EFNA2: variants seen among roughly 807,000 people sequenced by gnomAD.
EFNA2 encodes ephrin-A2.
Under a neutral mutation model 19.7 loss-of-function variants are expected in EFNA2, and 18 were observed. The ratio of observed to expected loss-of-function variants is 0.91; its 90% confidence interval spans 0.63 to 1.35. The LOEUF (loss-of-function observed/expected upper bound fraction) is 1.35. EFNA2 is among the 40% of genes most tolerant of loss of function. The pLI is 0.00. For missense variants in EFNA2, 303 were observed against 296.0 expected (o/e 1.02, Z -0.17); for synonymous variants, 187 against 137.8 (o/e 1.36, Z -2.50).
In EFNA2 at chr19:1,295,789, A is replaced by C; in HGVS notation, c.385A>C (p.Lys129Gln). ...CGGGGGGCCGCTCAAGTTCTCGGAGAAGTTCCAGCTCTTCACGCCCTTCTC... is the reference window on the plus strand; with the variant it reads ...CGGGGGGCCGCTCAAGTTCTCGGAGCAGTTCCAGCTCTTCACGCCCTTCTC... ...APGGPLKFSE[K>Q]FQLFTPFSLG... Residue 129 changes from lysine (K) to glutamine (Q), a missense_variant, in exon 2 of 4, where the codon AAG (lysine) becomes CAG (glutamine). By Grantham distance (53) the Lys-to-Gln change is moderately conservative. Transcript: ENST00000215368. The surrounding 1 kb of genome is among the most constrained non-coding windows in gnomAD (Gnocchi z 5.8). 1 of 1,608,020 alleles carries C rather than the reference A, an allele frequency of 6.2e-7. No homozygotes were observed. The highest frequency in any genetic ancestry group is 8.5e-7 in the Non-Finnish European group (1 of 1,178,326).
At position 1,289,854 on chromosome 19, in the gene EFNA2, G is replaced by A. The variant is rs1035329605; in HGVS notation, c.140+3546G>A. 5.9e-5 allele frequency among the ~76,000 whole-genome samples: 9 copies of A among 152,330 alleles called. No individual in the cohort carries two copies. In the South Asian group the frequency reaches 6.2e-4, roughly 11 times the overall value. Reference sequence around the variant, plus strand: ...CTCCGCTGGCGTCCCTCGGCCTCTCGGGGAGCCGGCTTTGAAGGGGGTGAT... The same window carrying A: ...CTCCGCTGGCGTCCCTCGGCCTCTCAGGGAGCCGGCTTTGAAGGGGGTGAT... On this transcript the variant is annotated intron_variant, in intron 1 of 3. Coordinates refer to ENST00000215368, the MANE Select transcript of EFNA2 (RefSeq NM_001405.4).
At chr19:1,284,340 C>T (rs1252506574), upstream of EFNA2, among the ~76,000 whole-genome samples, 10 of 152,212 alleles carry the variant, frequency 6.6e-5, no homozygotes, top group Non-Finnish European at 1.5e-4. This position sits in a 1 kb window ranked among gnomAD's most constrained non-coding sequence, Gnocchi z 5.3. Context: ...ACCCGGCCAG[C>T]CCTGGGCCTT....
Position 1,286,916 on chromosome 19 carries a change from G to A in EFNA2, c.140+608G>A, listed in dbSNP as rs910076147. On this transcript the variant is annotated intron_variant, in intron 1 of 3. Coordinates refer to ENST00000215368, the MANE Select transcript of EFNA2 (RefSeq NM_001405.4). The surrounding 1 kb of genome is among the most constrained non-coding windows in gnomAD (Gnocchi z 5.6). ...GGAGCTGGGGGTCAGCCCCGGGAGGGGCAGTGGGATGGAGTCCTCTCTTGT... is the reference window on the plus strand; with the variant it reads ...GGAGCTGGGGGTCAGCCCCGGGAGGAGCAGTGGGATGGAGTCCTCTCTTGT... Among the ~76,000 whole-genome samples the A allele has an allele frequency of 6.6e-6, 1 of 152,182 alleles. No homozygotes were observed. The highest frequency in any genetic ancestry group is 1.5e-5 in the Non-Finnish European group (1 of 68,018).
At chr19:1,285,120 C>T (rs2081457240), upstream of EFNA2, among the ~76,000 whole-genome samples, 2 of 152,214 alleles carry the variant, frequency 1.3e-5, no homozygotes, top group South Asian at 4.1e-4. This position sits in a 1 kb window ranked among gnomAD's most constrained non-coding sequence, Gnocchi z 4.1. Context: ...GCCAGGCCCC[C>T]AGTTCCCCAC....
rs1394969960 is a variant in EFNA2 at position 1,295,837 on chromosome 19, G to A, written c.433G>A (p.Gly145Ser). The change falls in exon 2 of 4, where the codon GGC (glycine) becomes AGC (serine). Residue 145 changes from glycine to serine, a missense_variant. Transcript: ENST00000215368. The surrounding 1 kb of genome is among the most constrained non-coding windows in gnomAD (Gnocchi z 5.8). ...CTCCCTGGGCTTCGAGTTCCGGCCC[G>A]GCCACGAGTATTACTACATCTGTGA... is the stretch of plus-strand genomic sequence containing the variant. ...PFSLGFEFRP[G>S]HEYYYISATP... The A allele has an allele frequency of 1.2e-6, 2 of 1,605,352 alleles. No individual in the cohort carries two copies. Among genetic ancestry groups the A allele is most frequent in the East Asian group, 2.3e-5 (1 of 44,400 alleles).
chr19:1,295,513 G>A lies in EFNA2; in HGVS notation c.141-32G>A, dbSNP rs1332407124. 5 of 1,519,424 alleles carry A rather than the reference G, an allele frequency of 3.3e-6. No homozygotes were observed. Among genetic ancestry groups the A allele is most frequent in the Non-Finnish European group, 4.4e-6 (5 of 1,136,294 alleles). The allele number at this position is 1,519,424 out of a possible 1,614,324, so 94.1% of individuals were successfully genotyped here. On this transcript the variant is annotated intron_variant, in intron 1 of 3. Transcript: ENST00000215368. The surrounding 1 kb of genome is among the most constrained non-coding windows in gnomAD (Gnocchi z 5.8). ...GACCCGTGCCCCGTTCCTCGCTCCG[G>A]GCGCTGACCTCTGGCCGCCTTGTCC...
intron 1 of EFNA2, among the ~76,000 whole-genome samples, chr19:1,290,488 G>C (rs1351248950): frequency 6.6e-6 from 1 of 152,196 alleles, no homozygotes; most frequent in Admixed American, 6.5e-5. Flanking sequence ...GTCTGCAGGG[G>C]ACTGGCCCTA....
At chr19:1,298,296 C>A (rs941145698) in intron 2 of EFNA2, among the ~76,000 whole-genome samples, 1 of 151,968 alleles carries the variant, frequency 6.6e-6, no homozygotes, top group Non-Finnish European at 1.5e-5. Flanking sequence ...TGAGGCAGAG[C>A]AGAACAAAAA....
rs1009377983 is a variant in EFNA2, at chr19:1,285,938, G to C, written c.-231G>C. On this transcript the variant is annotated 5_prime_UTR_variant, in exon 1 of 4. Transcript: ENST00000215368. The surrounding 1 kb of genome is among the most constrained non-coding windows in gnomAD (Gnocchi z 4.1). ...CCGCGCTCCGACAGTCCGCGCGGCC[G>C]GGTCCTGCGCCCGGGGCGACCCCGG... Among the ~76,000 whole-genome samples, 7 of 144,998 alleles carry C rather than the reference G, an allele frequency of 4.8e-5. No homozygotes were observed. Among genetic ancestry groups the C allele is most frequent in the Non-Finnish European group, 7.6e-5 (5 of 65,402 alleles).
intron 3 of EFNA2, among the ~76,000 whole-genome samples, 154 bp from the exon 4 acceptor site, chr19:1,299,670 G>C (rs762237698): frequency 6.6e-6 from 1 of 152,160 alleles, no homozygotes; most frequent in Non-Finnish European, 1.5e-5. Context: ...TGCCCGGAGA[G>C]TGGGCATCGG....
In EFNA2 at chr19:1,296,357, C is replaced by T. The variant is rs1357029630; in HGVS notation, c.454+499C>T. 6.6e-6 allele frequency among the ~76,000 whole-genome samples: 1 copy of T among 152,148 alleles called. No individual in the cohort carries two copies. Among genetic ancestry groups the T allele is most frequent in the Non-Finnish European group, 1.5e-5 (1 of 68,006 alleles). ...ATGAGGGAAACTGAGGCATCCGGAG[C>T]CCAGCAGGGGAGGGGAGCTTGGTGG... On this transcript the variant is annotated intron_variant, in intron 2 of 3. Transcript: ENST00000215368. This position sits in a 1 kb window ranked among gnomAD's most constrained non-coding sequence, Gnocchi z 4.4.
At chr19:1,284,327 G>A (rs1225106195), upstream of EFNA2, among the ~76,000 whole-genome samples, 1 of 152,238 alleles carries the variant, frequency 6.6e-6, no homozygotes, top group South Asian at 2.1e-4. This position sits in a 1 kb window ranked among gnomAD's most constrained non-coding sequence, Gnocchi z 5.3. Context: ...CCACTGAAGA[G>A]ACACCCGGCC....
chr19:1,295,934 A>T lies in EFNA2; in HGVS notation c.454+76A>T. On this transcript the variant is annotated intron_variant, in intron 2 of 3. Transcript: ENST00000215368. This position sits in a 1 kb window ranked among gnomAD's most constrained non-coding sequence, Gnocchi z 5.8. ...GGGGCGGGGCCAGGAAGTGGGCGGG[A>T]CCACTGGGGTGGGGCCGGGGAGTGG... 1.1e-6 allele frequency: 1 copy of T among 925,116 alleles called. No individual in the cohort carries two copies. Among genetic ancestry groups the T allele is most frequent in the Non-Finnish European group, 1.4e-6 (1 of 718,578 alleles). 57.3% of individuals were successfully genotyped at this position (925,116 alleles called of 1,614,324 possible). A position where few individuals can be genotyped will look rare whatever the true frequency, so the allele number is the denominator to read the frequency against.
intron 1 of EFNA2, among the ~76,000 whole-genome samples, chr19:1,293,147 T>TGGTCCCTCCACGGAGGCCTCCCCTGC (rs2081499046): frequency 6.6e-6 from 1 of 152,154 alleles, no homozygotes; most frequent in Admixed American, 6.5e-5. Context: ...GACGCCCCTG[T>TGGTCCCTCCACGGAGGCCTCCCCTGC]GGTCCCTCCA....
Position 1,297,441 on chromosome 19 carries a change from G to A in EFNA2, c.455-1110G>A, listed in dbSNP as rs558882552. Among the ~76,000 whole-genome samples the A allele has an allele frequency of 6.6e-6, 1 of 152,146 alleles. No homozygotes were observed. The highest frequency in any genetic ancestry group is 2.4e-5 in the African/African-American group (1 of 41,406). On this transcript the variant is annotated intron_variant, in intron 2 of 3. Transcript: ENST00000215368. This position sits in a 1 kb window ranked among gnomAD's most constrained non-coding sequence, Gnocchi z 5.0. ...TATTGTAATTATTCGTCCTACCTCT[G>A]TGATGAATGTTATTTTTATTACATG... is the stretch of plus-strand genomic sequence containing the variant.
At chr19:1,285,279 T>C (rs1236001667), upstream of EFNA2, among the ~76,000 whole-genome samples, 3 of 152,066 alleles carry the variant, frequency 2.0e-5, no homozygotes, top group African/African-American at 2.4e-5. This position sits in a 1 kb window ranked among gnomAD's most constrained non-coding sequence, Gnocchi z 4.1. Context: ...GGCCGGGGCT[T>C]CACTCTGGGC....
At chr19:1,298,430 A>T in intron 2 of EFNA2, 121 bp from the exon 3 acceptor site, 1 of 904,692 alleles carries the variant, frequency 1.1e-6, no homozygotes, top group Non-Finnish European at 1.7e-6. Context: ...TAGGAGTTTT[A>T]AGGGTGGCTC....
intron 1 of EFNA2, among the ~76,000 whole-genome samples, chr19:1,288,669 C>T (rs920863892): frequency 6.6e-6 from 1 of 152,112 alleles, no homozygotes; most frequent in Non-Finnish European, 1.5e-5. Context: ...TGTGCCCAGG[C>T]GATGACTGTG....
In EFNA2 at chr19:1,297,211, G is replaced by A. The variant is rs964091946; in HGVS notation, c.455-1340G>A. Among the ~76,000 whole-genome samples the A allele has an allele frequency of 3.3e-5, 5 of 152,248 alleles. No individual in the cohort carries two copies. Among genetic ancestry groups the A allele is most frequent in the Non-Finnish European group, 7.4e-5 (5 of 68,004 alleles). Reference sequence around the variant, plus strand: ...GTCTGTGCCCCCAGGCTGCAGGGGGGCCAGTGCCTGGACACCCAGCTCCTG... The same window carrying A: ...GTCTGTGCCCCCAGGCTGCAGGGGGACCAGTGCCTGGACACCCAGCTCCTG... On this transcript the variant is annotated intron_variant, in intron 2 of 3. Transcript: ENST00000215368. This position sits in a 1 kb window ranked among gnomAD's most constrained non-coding sequence, Gnocchi z 5.0.
Sources: gnomAD v4.1 joint callset for allele counts (sites outside exome capture counted in the v4.1 genomes callset) on GRCh38, gnomAD v4.1.1 for gene constraint, Gnocchi (gnomAD v3.1) non-coding constraint, MANE v1.5 for transcripts, NCBI Gene and HGNC (gene_info 2026-07-23, HGNC 2026-07-21) for gene names.